The following PTCH1 variants were observed in gnomAD, a reference collection of about 807,000 sequenced individuals.
PTCH1 encodes patched 1.
PTCH1 carries 14 observed loss-of-function variants against 144.6 expected under a neutral mutation model. The observed-to-expected ratio is 0.10, with a 90% CI of 0.06 to 0.15. PTCH1 has a LOEUF of 0.15. Among genes scored for constraint, PTCH1 ranks in the 10% least tolerant of loss-of-function variants. PTCH1 has a pLI of 1.00. For synonymous variants in PTCH1, 833 were observed against 793.6 expected, an observed-to-expected ratio of 1.05 and a Z score of -0.83; for missense variants, 1,623 against 1,948.3, an observed-to-expected ratio of 0.83 and a Z score of 3.14.
chr9:95,508,150 C>G lies in PTCH1; in HGVS notation c.201+11G>C, dbSNP rs1587700117. ...GGAAGAGAAAGTGGGAGGAGAGAGT[C>G]TGAAATGCACCTTGGAAATCTGCTC... On this transcript the variant is annotated intron_variant, in intron 1 of 23. Transcript: ENST00000331920. The G allele has an allele frequency of 1.9e-6, 3 of 1,612,388 alleles. No homozygotes were observed. Among genetic ancestry groups the G allele is most frequent in the Non-Finnish European group, 2.5e-6 (3 of 1,179,712 alleles).
chr9:95,495,424 ATTC>A (rs1400179818), intron 2 of PTCH1: 3 of 151,288 alleles, frequency 2.0e-5, no homozygotes, highest in African/African-American at 7.3e-5. Flanking sequence ...AACCCATGTG[ATTC>A]TTTTTTTTTT....
intron 20 of PTCH1, chr9:95,452,964 C>A (rs1053406020): frequency 1.6e-5 from 3 of 183,412 alleles, no homozygotes; most frequent in African/African-American, 7.1e-5. Context: ...AAATCCTTTA[C>A]CTTCTGTTTT....
At chr9:95,493,850 G>A (rs886225039) in intron 2 of PTCH1, among the ~76,000 whole-genome samples, 1 of 151,774 alleles carries the variant, frequency 6.6e-6, no homozygotes, top group African/African-American at 2.4e-5. Flanking sequence ...GAAAATTCAC[G>A]GGCTGTGAAT....
At chr9:95,509,496 C>G (rs970546917), upstream of PTCH1, among the ~76,000 whole-genome samples, 1 of 152,226 alleles carries the variant, frequency 6.6e-6, no homozygotes, top group Non-Finnish European at 1.5e-5. Flanking sequence ...GAGCGCCAAC[C>G]TTCTCGCATG....
chr9:95,450,544 C>A (rs1406276633), intron 20 of PTCH1: 11 of 155,652 alleles, frequency 7.1e-5, no homozygotes, highest in Admixed American at 6.9e-4. Context: ...TCTGTGAGTT[C>A]CAGTTTTACC....
intron 15 of PTCH1, 112 bp from the exon 16 acceptor site, chr9:95,462,110 C>CTTCTG: frequency 8.3e-7 from 1 of 1,207,502 alleles, no homozygotes; most frequent in Non-Finnish European, 1.2e-6. Flanking sequence ...AGACGTCCAT[C>CTTCTG]AGAAACACAC....
At position 95,490,617 on chromosome 9, in the gene PTCH1, CA is replaced by C. The variant is rs200587952; in HGVS notation, c.395-4744del. 7.1e-4 allele frequency among the ~76,000 whole-genome samples: 102 copies of C among 143,590 alleles called. 1 individual carries two copies. Among genetic ancestry groups the C allele is most frequent in the Non-Finnish European group, 8.5e-4 (56 of 65,518 alleles). The allele number at this position is 143,590 out of a possible 152,430, so 94.2% of individuals were successfully genotyped here. ...ATATGAATTAAAAACAAACTCAATG[CA>C]AAAAAAAATAGGCATCTCTGTACTC... On this transcript the variant is annotated intron_variant, in intron 2 of 23. Transcript: ENST00000331920.
At position 95,445,834 on chromosome 9, in the gene PTCH1, T is replaced by A. The variant is rs1402494097; in HGVS notation, c.*559A>T. ...CGACACCTAGAGAAGCCACCAGGAT[T>A]AACGTGCTTTCTTCATATCTGCTCA... On this transcript the variant is annotated 3_prime_UTR_variant, in exon 24 of 24. Transcript: ENST00000331920. 1 of 155,902 alleles carries A rather than the reference T, an allele frequency of 6.4e-6. No individual in the cohort carries two copies. Among genetic ancestry groups the A allele is most frequent in the East Asian group, 1.9e-4 (1 of 5,370 alleles). 9.7% of individuals were successfully genotyped at this position (155,902 alleles called of 1,614,324 possible).
chr9:95,467,084 C>A, intron 15 of PTCH1, 32 bp downstream of exon 15: 1 of 1,608,722 alleles, frequency 6.2e-7, no homozygotes, highest in South Asian at 1.1e-5. Flanking sequence ...CGCAAAAGAC[C>A]GAAAGGACGA....
chr9:95,450,932 G>C (rs1002544189), intron 20 of PTCH1: 1 of 152,094 alleles, frequency 6.6e-6, no homozygotes, highest in African/African-American at 2.4e-5. Context: ...TGCGTTTCTG[G>C]AACTAATGAT....
chr9:95,446,711 T>C lies in PTCH1; in HGVS notation c.*1+200A>G, dbSNP rs372443101. 92 of 677,554 alleles carry C rather than the reference T, an allele frequency of 1.4e-4. No homozygotes were observed. The African/African-American group carries it at 1.5e-3, about 11-fold the overall frequency. The allele number at this position is 677,554 out of a possible 1,614,324, so 42.0% of individuals were successfully genotyped here. A position where few individuals can be genotyped will look rare whatever the true frequency, so the allele number is the denominator to read the frequency against. The stretch of plus-strand genomic sequence containing the variant: ...GGTTAGCAGTGGGGGAAGAGAGCAG[T>C]GTGGAGCTGGACTGGTTCCCCAAGG... On this transcript the variant is annotated intron_variant, in intron 23 of 23. Transcript: ENST00000331920.
At chr9:95,469,576 C>T (rs1840373117) in intron 13 of PTCH1, among the ~76,000 whole-genome samples, 1 of 152,160 alleles carries the variant, frequency 6.6e-6, no homozygotes, top group African/African-American at 2.4e-5. Flanking sequence ...AAAAAGGGGT[C>T]ATCGGAACCA....
chr9:95,469,103 G>T lies in PTCH1; in HGVS notation c.1898C>A (p.Thr633Lys). The T allele has an allele frequency of 6.2e-7, 1 of 1,614,114 alleles. No individual in the cohort carries two copies. The highest frequency in any genetic ancestry group is 8.5e-7 in the Non-Finnish European group (1 of 1,180,028). Residue 633 changes from threonine to lysine, a missense_variant, in exon 14 of 24, where the codon ACA becomes AAA. Physicochemically the swap from Thr to Lys is moderately conservative, Grantham distance 78. Transcript: ENST00000331920. ...GGGGCTGTAGCGGGTATTGTCGTGT[G>T]TGTCGGTGTAGGCCTGAGGTTCAAC... ...IQVEPQAYTD[T>K]HDNTRYSPPP...
At chr9:95,512,464 G>A (rs1282113762), upstream of PTCH1, among the ~76,000 whole-genome samples, 1 of 149,284 alleles carries the variant, frequency 6.7e-6, no homozygotes, top group Non-Finnish European at 1.5e-5. Flanking sequence ...CCTTGTTTCT[G>A]TAACGTTTTA....
At chr9:95,510,937 G>A (rs1283677701), upstream of PTCH1, among the ~76,000 whole-genome samples, 1 of 150,368 alleles carries the variant, frequency 6.7e-6, no homozygotes, top group African/African-American at 2.4e-5. Flanking sequence ...GGCCGGCTCC[G>A]GGCCTCCAGC....
chr9:95,445,728 C>CA lies in PTCH1; in HGVS notation c.*664dup, dbSNP rs111365480. On this transcript the variant is annotated 3_prime_UTR_variant, in exon 24 of 24. Coordinates refer to ENST00000331920, the MANE Select transcript of PTCH1 (RefSeq NM_000264.5). ...GACAGTGTAGAGAAACAAAACAAGA[C>CA]AAAAAAAAAATCACAGTACAGTACA... 16,966 of 149,738 alleles carry CA rather than the reference C, an allele frequency of 0.11. 3,109 individuals carry two copies. The highest frequency in any genetic ancestry group is 0.39 in the African/African-American group (15,846 of 40,896). The allele number at this position is 149,738 out of a possible 1,614,324, so 9.3% of individuals were successfully genotyped here.
intron 1 of PTCH1, chr9:95,507,279 T>TC: frequency 1.0e-6 from 1 of 985,420 alleles, no homozygotes; most frequent in Non-Finnish European, 1.2e-6. Flanking sequence ...TTCCCTCCTC[T>TC]CCCTTCCTTT....
chr9:95,474,253 G>T, intron 12 of PTCH1: 1 of 309,186 alleles, frequency 3.2e-6, no homozygotes, highest in Non-Finnish European at 6.5e-6. Flanking sequence ...GGAGAGGAGA[G>T]AGAATGGGCA....
chr9:95,443,651 C>A lies in PTCH1; in HGVS notation c.*2742G>T, dbSNP rs1318479848. The A allele has an allele frequency of 6.6e-6, 1 of 152,568 alleles. No homozygotes were observed. The highest frequency in any genetic ancestry group is 6.5e-5 in the Admixed American group (1 of 15,284). The allele number at this position is 152,568 out of a possible 1,614,324, so 9.5% of individuals were successfully genotyped here. Reference sequence around the variant, plus strand: ...TAATTTACAATGAAAACTGTGCCCACTCATGTCTCAGCAAAGTTCCAGACA... The same window carrying A: ...TAATTTACAATGAAAACTGTGCCCAATCATGTCTCAGCAAAGTTCCAGACA... On this transcript the variant is annotated 3_prime_UTR_variant, in exon 24 of 24. Transcript: ENST00000331920.
Sources: allele counts gnomAD v4.1 joint callset (sites outside exome capture counted in the v4.1 genomes callset), GRCh38; gene constraint gnomAD v4.1.1; transcripts MANE v1.5; gene names NCBI Gene and HGNC (gene_info 2026-07-23, HGNC 2026-07-21).